Variants in TRAPPC9 observed in about 807,000 individuals in gnomAD.
TRAPPC9 encodes the protein IKK2 binding protein.
TRAPPC9 carries 83 observed loss-of-function variants against 124.0 expected under a neutral mutation model. The ratio of observed to expected loss-of-function variants is 0.67; its 90% CI spans 0.56 to 0.80. TRAPPC9 has a LOEUF of 0.80. TRAPPC9 is among the 30% of genes least tolerant of loss of function. TRAPPC9 has a pLI of 0.00. For synonymous variants in TRAPPC9, 638 were observed against 617.5 expected (o/e 1.03, Z -0.49); for missense variants, 1,302 against 1,508.3 (o/e 0.86, Z 2.27).
At chr8:139,802,338 G>A (rs1325545753) in intron 21 of TRAPPC9, among the ~76,000 whole-genome samples, 5 of 152,192 alleles carry the variant, frequency 3.3e-5, no homozygotes, top group Admixed American at 1.3e-4. Flanking sequence ...TTCACTAGGG[G>A]TGGAGGGGAG....
chr8:140,064,618 G>A (rs1842809744), intron 17 of TRAPPC9, among the ~76,000 whole-genome samples: 1 of 152,186 alleles, frequency 6.6e-6, no homozygotes, highest in Non-Finnish European at 1.5e-5. Context: ...ATATTCCAGA[G>A]GCTTAAATGC....
chr8:140,207,050 C>T (rs2062939330), intron 17 of TRAPPC9, among the ~76,000 whole-genome samples: 1 of 152,204 alleles, frequency 6.6e-6, no homozygotes, highest in South Asian at 2.1e-4. Context: ...GATGATGAGA[C>T]TGCACCTGGA....
intron 16 of TRAPPC9, among the ~76,000 whole-genome samples, chr8:140,230,787 A>G (rs6421021): frequency 1.1e-4 from 2 of 17,984 alleles, no homozygotes; most frequent in Non-Finnish European, 3.0e-4. Flanking sequence ...AAAAAAAAAG[A>G]AAAAAAAAGT....
rs866634342 is a variant in TRAPPC9, at chr8:139,797,346, G to A, written c.3056-65144C>T. The stretch of plus-strand genomic sequence containing the variant: ...GTGATCTTGGCTCACTGCGACTTCC[G>A]CCTCCCGGGTTCAAGCAATTCTCCT... On this transcript the variant is annotated intron_variant, in intron 21 of 22. Transcript: ENST00000438773. Among the ~76,000 whole-genome samples the A allele has an allele frequency of 4.6e-5, 7 of 152,190 alleles. No homozygotes were observed. The Middle Eastern group carries it at 0.01, about 222-fold the overall frequency.
intron 21 of TRAPPC9, among the ~76,000 whole-genome samples, chr8:139,820,542 T>G (rs1010818816): frequency 1.3e-5 from 2 of 152,224 alleles, no homozygotes; most frequent in African/African-American, 4.8e-5. Context: ...TTTATGTATT[T>G]CCAAATAGAA....
chr8:139,784,626 T>TAAAAGACTGAC (rs1822085423), intron 21 of TRAPPC9, among the ~76,000 whole-genome samples: 1 of 142,136 alleles, frequency 7.0e-6, no homozygotes, highest in African/African-American at 2.5e-5. Context: ...TATATATATA[T>TAAAAGACTGAC]ATATATATAT....
At chr8:140,055,516 A>G (rs1263883354) in intron 17 of TRAPPC9, among the ~76,000 whole-genome samples, 3 of 152,254 alleles carry the variant, frequency 2.0e-5, no homozygotes, top group Non-Finnish European at 4.4e-5. Context: ...GGAAGTCCCA[A>G]CCAGAACAAT....
At chr8:140,236,309 C>T (rs1236948296) in intron 16 of TRAPPC9, among the ~76,000 whole-genome samples, 4 of 152,210 alleles carry the variant, frequency 2.6e-5, no homozygotes, top group Admixed American at 2.6e-4. Context: ...TCTCGAACTT[C>T]TGGCTTCAAG....
intron 9 of TRAPPC9, among the ~76,000 whole-genome samples, chr8:140,312,341 C>T (rs757538119): frequency 2.0e-5 from 3 of 152,228 alleles, no homozygotes; most frequent in South Asian, 2.1e-4. Flanking sequence ...CCTAGAACAG[C>T]GAAGTTAGAT....
At chr8:139,840,194 C>A (rs1195433839) in intron 21 of TRAPPC9, among the ~76,000 whole-genome samples, 1 of 152,214 alleles carries the variant, frequency 6.6e-6, no homozygotes, top group Non-Finnish European at 1.5e-5. Flanking sequence ...GAGGGCTCTG[C>A]TGTGACACTG....
At chr8:140,036,857 T>A (rs1236021816) in intron 17 of TRAPPC9, among the ~76,000 whole-genome samples, 1 of 152,178 alleles carries the variant, frequency 6.6e-6, no homozygotes, top group African/African-American at 2.4e-5. Flanking sequence ...TTTATTTTTT[T>A]AAATTGTACT....
chr8:140,410,961 T>TAGG (rs1291563056), intron 5 of TRAPPC9, among the ~76,000 whole-genome samples: 9 of 152,060 alleles, frequency 5.9e-5, no homozygotes, highest in South Asian at 2.1e-4. Flanking sequence ...ATTAATGATA[T>TAGG]ATAAACAGCA....
intron 17 of TRAPPC9, among the ~76,000 whole-genome samples, chr8:140,029,298 G>C (rs1177356416): frequency 6.6e-6 from 1 of 152,234 alleles, no homozygotes; most frequent in Non-Finnish European, 1.5e-5. Flanking sequence ...TTGAGCCCCA[G>C]ACTTTCAGAT....
At chr8:139,835,519 T>C (rs1320732634) in intron 21 of TRAPPC9, among the ~76,000 whole-genome samples, 1 of 152,180 alleles carries the variant, frequency 6.6e-6, no homozygotes, top group Non-Finnish European at 1.5e-5. Context: ...TTCATCTAGG[T>C]ATCTATTTTT....
chr8:139,828,739 C>T (rs144026110), intron 21 of TRAPPC9, among the ~76,000 whole-genome samples: 3,117 of 152,278 alleles, frequency 0.02, 62 homozygotes, highest in Non-Finnish European at 0.028. Context: ...GGAACGCTGC[C>T]CAGGTCTGTC....
At chr8:140,016,061 C>CT (rs1286403277) in intron 18 of TRAPPC9, among the ~76,000 whole-genome samples, 1 of 152,182 alleles carries the variant, frequency 6.6e-6, no homozygotes, top group Admixed American at 6.5e-5. Context: ...TGAAATCCTT[C>CT]TTTCCTCAAG....
intron 19 of TRAPPC9, among the ~76,000 whole-genome samples, chr8:139,943,359 G>A (rs568770237): frequency 1.2e-4 from 19 of 152,320 alleles, no homozygotes; most frequent in African/African-American, 3.8e-4. Context: ...GAACCACTGT[G>A]CCCAGCCGAG....
At chr8:139,909,307 C>T (rs1831560421) in intron 20 of TRAPPC9, among the ~76,000 whole-genome samples, 1 of 152,180 alleles carries the variant, frequency 6.6e-6, no homozygotes, top group African/African-American at 2.4e-5. Context: ...TAATAAACTT[C>T]TATCTACTTC....
chr8:140,208,944 C>G (rs1324239587), intron 17 of TRAPPC9, among the ~76,000 whole-genome samples: 2 of 152,206 alleles, frequency 1.3e-5, no homozygotes, highest in African/African-American at 4.8e-5. Context: ...AACTGCAGGA[C>G]TAGAGTATGT....
Sources: allele counts gnomAD v4.1 joint callset (sites outside exome capture counted in the v4.1 genomes callset), GRCh38; gene constraint gnomAD v4.1.1; transcripts MANE v1.5; gene names NCBI Gene and HGNC (gene_info 2026-07-23, HGNC 2026-07-21).